ITGA3: variants seen among roughly 807,000 people sequenced by gnomAD.
The protein encoded by ITGA3 is integrin subunit alpha 3, also known as integrin alpha-3.
ITGA3 carries 70 observed loss-of-function variants against 131.1 expected under a neutral mutation model. The observed-to-expected ratio is 0.53, with a 90% CI of 0.44 to 0.65. The LOEUF (loss-of-function observed/expected upper bound fraction) is 0.65. ITGA3 is among the 30% of genes least tolerant of loss of function. The pLI, the probability that ITGA3 is intolerant of heterozygous loss-of-function variation, is 0.00. For synonymous variants in ITGA3, 537 were observed against 571.6 expected, an observed-to-expected ratio of 0.94 and a Z score of 0.86; for missense variants, 1,098 against 1,388.6, an observed-to-expected ratio of 0.79 and a Z score of 3.33.
chr17:50,079,215 G>C lies in ITGA3; in HGVS notation c.2540G>C (p.Arg847Pro). Residue 847 changes from arginine to proline, a missense_variant, in exon 20 of 26, where the codon CGA (arginine) becomes CCA (proline). Arg to Pro is a moderately radical substitution (Grantham distance 103, BLOSUM62 -2). Around this residue, in one of 3 missense-constraint regions of ITGA3, gnomAD observed 699 missense variants for 829.2 expected, o/e 0.84. Coordinates refer to ENST00000320031, the MANE Select transcript of ITGA3 (RefSeq NM_002204.4). ...TVHGNGSWPC[R>P]PPGDLINPLN... ...CATGGCAATGGGTCCTGGCCCTGCC[G>C]ACCACCTGGAGACCTTATCAACCCT... is the stretch of plus-strand genomic sequence containing the variant. 6.2e-7 allele frequency: 1 copy of C among 1,613,946 alleles called. No individual in the cohort carries two copies. The highest frequency in any genetic ancestry group is 1.1e-5 in the South Asian group (1 of 91,070).
In ITGA3 at chr17:50,090,454, G is replaced by T. The variant is rs1482957368; in HGVS notation, c.*1376G>T. On this transcript the variant is annotated 3_prime_UTR_variant, in exon 26 of 26. Transcript: ENST00000320031. ...CTTCTTTGTATATAGGCTTCTCACG[G>T]CGACCAATAAACAGCTCCCAGTTTG... is the stretch of plus-strand genomic sequence containing the variant. 1.2e-5 allele frequency: 3 copies of T among 248,896 alleles called. No individual in the cohort carries two copies. Among genetic ancestry groups the T allele is most frequent in the African/African-American group, 6.7e-5 (3 of 44,502 alleles). 15.4% of individuals were successfully genotyped at this position (248,896 alleles called of 1,614,324 possible). A position where few individuals can be genotyped will look rare whatever the true frequency, so the allele number is the denominator to read the frequency against.
At chr17:50,074,104 C>T (rs746415954) in intron 8 of ITGA3, 40 bp from the exon 9 acceptor site, 5 of 1,581,914 alleles carry the variant, frequency 3.2e-6, no homozygotes, top group Non-Finnish European at 4.3e-6. Context: ...CTGGGCCCTG[C>T]TCCCCAGAGC....
At chr17:50,080,737 T>C (rs962400722) in intron 22 of ITGA3, among the ~76,000 whole-genome samples, 1 of 152,130 alleles carries the variant, frequency 6.6e-6, no homozygotes, top group Non-Finnish European at 1.5e-5. Flanking sequence ...CTTTTCTGGC[T>C]TTTCCAGCTG....
chr17:50,060,187 G>A (rs888960527), intron 1 of ITGA3, among the ~76,000 whole-genome samples: 2 of 152,192 alleles, frequency 1.3e-5, no homozygotes, highest in African/African-American at 2.4e-5. Flanking sequence ...GGATAGGAGG[G>A]GAACACAGGA....
rs117783166 is a variant in ITGA3 at position 50,073,932 on chromosome 17, T to C, written c.1173T>C (p.Ala391=). 6,258 of 1,613,850 alleles carry C rather than the reference T, an allele frequency of 3.9e-3. 18 individuals carry two copies. Among genetic ancestry groups the C allele is most frequent in the Non-Finnish European group, 4.8e-3 (5,656 of 1,179,856 alleles). ...QDGFQDIAVG[A]PFEGLGKVYI... ...CTTCTGCAGATATTGCTGTGGGAGC[T>C]CCGTTTGAAGGCTTGGGCAAAGTGT... is the stretch of plus-strand genomic sequence containing the variant. Residue 391 remains alanine (A), a synonymous_variant, in exon 8 of 26, where the codon GCT becomes GCC. Coordinates refer to ENST00000320031, the MANE Select transcript of ITGA3 (RefSeq NM_002204.4).
In ITGA3 at chr17:50,056,291, T is replaced by G. The variant is rs1907800754; in HGVS notation, c.-149T>G. ...GCGCAGCTGTGAAACTGGCTGGGGCTGGGGGCACGAAACCGATCAGCGCTA... is the reference window on the plus strand; with the variant it reads ...GCGCAGCTGTGAAACTGGCTGGGGCGGGGGGCACGAAACCGATCAGCGCTA... On this transcript the variant is annotated 5_prime_UTR_variant, in exon 1 of 26. Coordinates refer to ENST00000320031, the MANE Select transcript of ITGA3 (RefSeq NM_002204.4). The surrounding 1 kb of genome is among the most constrained non-coding windows in gnomAD (Gnocchi z 5.6). 3.8e-6 allele frequency: 2 copies of G among 527,250 alleles called. No individual in the cohort carries two copies. Among genetic ancestry groups the G allele is most frequent in the East Asian group, 3.5e-5 (1 of 28,604 alleles). 32.7% of individuals were successfully genotyped at this position (527,250 alleles called of 1,614,324 possible). A position where few individuals can be genotyped will look rare whatever the true frequency, so the allele number is the denominator to read the frequency against.
chr17:50,077,044 C>A lies in ITGA3; in HGVS notation c.1993C>A (p.Arg665Ser). 6.2e-7 allele frequency: 1 copy of A among 1,608,640 alleles called. No homozygotes were observed. Among genetic ancestry groups the A allele is most frequent in the Non-Finnish European group, 8.5e-7 (1 of 1,177,222 alleles). Residue 665 changes from arginine to serine, a missense_variant, in exon 15 of 26, where the codon CGC (arginine) becomes AGC (serine). This residue lies in a region of ITGA3 where 699 missense variants were observed against 829.2 expected (regional missense o/e 0.84). Transcript: ENST00000320031. ...INVTNTRTSE[R>S]SGEDAHEALL... is the part of the protein sequence containing the mutation. Reference sequence around the variant, plus strand: ...CGTGACGAACACCCGGACCTCGGAGCGCTCCGGGGAGGACGCCCACGAGGC... The same window carrying A: ...CGTGACGAACACCCGGACCTCGGAGAGCTCCGGGGAGGACGCCCACGAGGC...
rs1284423977 is a variant in ITGA3, at chr17:50,075,559, G to A, written c.1537+33G>A. ...CTGGGGTGCAGCGTAAAAGGGGTACGCTCCCCTGTCCCCTTGCTGACCACC... is the reference window on the plus strand; with the variant it reads ...CTGGGGTGCAGCGTAAAAGGGGTACACTCCCCTGTCCCCTTGCTGACCACC... On this transcript the variant is annotated intron_variant, in intron 11 of 25. Coordinates refer to ENST00000320031, the MANE Select transcript of ITGA3 (RefSeq NM_002204.4). 8 of 1,614,100 alleles carry A rather than the reference G, an allele frequency of 5.0e-6. No individual in the cohort carries two copies. In the East Asian group the frequency reaches 6.7e-5, roughly 13 times the overall value.
chr17:50,088,383 G>C lies in ITGA3; in HGVS notation c.*31+17G>C. On this transcript the variant is annotated intron_variant, in intron 25 of 25. Coordinates refer to ENST00000320031, the MANE Select transcript of ITGA3 (RefSeq NM_002204.4). ...CCCACCTGGGTAACACGGCCTCCGG[G>C]CCCCCTTCCCCGAGCCCCACAGCTG... The C allele has an allele frequency of 7.1e-7, 1 of 1,407,400 alleles. No individual in the cohort carries two copies. Among genetic ancestry groups the C allele is most frequent in the South Asian group, 1.2e-5 (1 of 80,990 alleles). The allele number at this position is 1,407,400 out of a possible 1,614,324, so 87.2% of individuals were successfully genotyped here.
At chr17:50,085,778 T>C (rs946620708) in intron 23 of ITGA3, among the ~76,000 whole-genome samples, 6 of 122,740 alleles carry the variant, frequency 4.9e-5, no homozygotes, top group African/African-American at 1.7e-4. Flanking sequence ...TTATACATTA[T>C]AGATTTATAA....
chr17:50,075,344 C>A, intron 10 of ITGA3, 115 bp from the exon 11 acceptor site: 1 of 1,049,168 alleles, frequency 9.5e-7, no homozygotes, highest in African/African-American at 1.6e-5. Flanking sequence ...CCAGTTTTGT[C>A]CCTGCCTCTC....
chr17:50,077,524 T>G (rs2144298259), intron 16 of ITGA3, 77 bp downstream of exon 16: 1 of 1,137,430 alleles, frequency 8.8e-7, no homozygotes, highest in East Asian at 2.4e-5. Context: ...CCTTCCAGCC[T>G]CTGCCTGCCT....
chr17:50,079,826 C>T (rs1297914182), intron 21 of ITGA3, among the ~76,000 whole-genome samples: 8 of 152,228 alleles, frequency 5.3e-5, no homozygotes, highest in Non-Finnish European at 8.8e-5. Flanking sequence ...GATAGAGCTG[C>T]TCAGAGCTTT....
chr17:50,068,319 G>T lies in ITGA3; in HGVS notation c.664+14G>T. On this transcript the variant is annotated intron_variant, in intron 4 of 25. Transcript: ENST00000320031. ...ACAACTGGAAAGGTGGGGACCATGG[G>T]GCCATGGGGGAAGAAAGGAAGAGCA... The T allele has an allele frequency of 6.2e-7, 1 of 1,610,548 alleles. No homozygotes were observed.
chr17:50,073,401 G>A (rs1040224371), intron 7 of ITGA3, among the ~76,000 whole-genome samples: 1 of 152,068 alleles, frequency 6.6e-6, no homozygotes, highest in African/African-American at 2.4e-5. Context: ...AAAGTGGGGG[G>A]ATAATAGTAC....
chr17:50,062,039 C>CA (rs529147794), intron 1 of ITGA3, among the ~76,000 whole-genome samples: 85,183 of 117,346 alleles, frequency 0.73, 31,173 homozygotes, highest in Non-Finnish European at 0.83. Flanking sequence ...GACCCTGTCT[C>CA]AAAAAAAAAA....
rs1242863426 is a variant in ITGA3, at chr17:50,064,321, G to C, written c.334+117G>C. 7.3e-7 allele frequency: 1 copy of C among 1,378,306 alleles called. No homozygotes were observed. The highest frequency in any genetic ancestry group is 9.9e-7 in the Non-Finnish European group (1 of 1,011,080). 85.4% of individuals were successfully genotyped at this position (1,378,306 alleles called of 1,614,324 possible). A position where few individuals can be genotyped will look rare whatever the true frequency, so the allele number is the denominator to read the frequency against. On this transcript the variant is annotated intron_variant, in intron 2 of 25. Transcript: ENST00000320031. The surrounding 1 kb of genome is among the most constrained non-coding windows in gnomAD (Gnocchi z 4.4). Reference sequence around the variant, plus strand: ...TTCACACGGCTTCTAGTCGCTTCTTGTCCAGCTGGGAAGAGGGTGCCCTAG... The same window carrying C: ...TTCACACGGCTTCTAGTCGCTTCTTCTCCAGCTGGGAAGAGGGTGCCCTAG...
chr17:50,071,592 G>C, intron 6 of ITGA3, 74 bp downstream of exon 6: 1 of 1,342,564 alleles, frequency 7.4e-7, no homozygotes, highest in Non-Finnish European at 1.0e-6. Context: ...GCCAGGTGAG[G>C]GGAGTGGAGG....
rs898057920 is a variant in ITGA3, at chr17:50,089,072, G to C, written c.*32-38G>C. ...ACTCCTTCCTGGTGGCTCAAACTCTGGATGCTAATGTTCTTTCTCTTCTCC... is the reference window on the plus strand; with the variant it reads ...ACTCCTTCCTGGTGGCTCAAACTCTCGATGCTAATGTTCTTTCTCTTCTCC... On this transcript the variant is annotated intron_variant, in intron 25 of 25. Coordinates refer to ENST00000320031, the MANE Select transcript of ITGA3 (RefSeq NM_002204.4). 4.4e-6 allele frequency: 7 copies of C among 1,580,016 alleles called. No homozygotes were observed. The African/African-American group carries it at 9.4e-5, about 21-fold the overall frequency.
Sources: gnomAD v4.1 joint callset for allele counts (sites outside exome capture counted in the v4.1 genomes callset) on GRCh38, gnomAD v4.1.1 for gene constraint, gnomAD v4.1.1 regional missense constraint, Gnocchi (gnomAD v3.1) non-coding constraint, MANE v1.5 for transcripts, NCBI Gene and HGNC (gene_info 2026-07-23, HGNC 2026-07-21) for gene names.